Variants in HCFC2 observed in about 807,000 individuals in gnomAD.
HCFC2 encodes host cell factor C2, also known as host cell factor 2.
A neutral mutation model predicts 89.2 loss-of-function variants in HCFC2; 18 were observed. That is an observed-to-expected ratio of 0.20 (90% CI 0.14 to 0.30). The LOEUF is 0.30. Among genes scored for constraint, HCFC2 ranks in the 10% least tolerant of loss-of-function variants. The pLI is 1.00. For missense variants in HCFC2, 578 were observed against 956.1 expected, an observed-to-expected ratio of 0.60 and a Z score of 5.21; for synonymous variants, 308 against 335.7, an observed-to-expected ratio of 0.92 and a Z score of 0.90.
chr12:104,100,464 A>G (rs572663573), intron 13 of HCFC2, among the ~76,000 whole-genome samples: 3 of 152,080 alleles, frequency 2.0e-5, no homozygotes, highest in South Asian at 4.1e-4. Context: ...GCTCCCAACT[A>G]CTTGGGAGGC....
chr12:104,102,973 C>T lies in HCFC2; in HGVS notation c.2079C>T (p.Ile693=). ...AVRISKNVEG[I]HLSWEPPTSP... ...CCCCCTTCAAGAATGTTGAAGGTAT[C>T]CACCTTTCCTGGGAACCTCCAACCT... Residue 693 remains isoleucine, a synonymous_variant, in exon 15 of 15, where the codon ATC becomes ATT. Transcript: ENST00000229330. 3.1e-6 allele frequency: 5 copies of T among 1,596,386 alleles called. No individual in the cohort carries two copies. The highest frequency in any genetic ancestry group is 1.1e-5 in the South Asian group (1 of 90,586).
chr12:104,087,468 T>TATATATATATATGTATATATATATAC (rs1566232417), intron 8 of HCFC2, among the ~76,000 whole-genome samples: 1 of 268 alleles, frequency 3.7e-3, no homozygotes, highest in Non-Finnish European at 0.016. Context: ...TATATATACA[T>TATATATATATATGTATATATATATAC]ATATATATAT....
At chr12:104,099,711 G>A (rs2136629706) in intron 13 of HCFC2, among the ~76,000 whole-genome samples, 1 of 152,180 alleles carries the variant, frequency 6.6e-6, no homozygotes, top group East Asian at 1.9e-4. Flanking sequence ...TGTCACCCAA[G>A]CTGGAGTGCA....
At chr12:104,097,327 C>T (rs1884205921) in intron 12 of HCFC2, among the ~76,000 whole-genome samples, 1 of 151,986 alleles carries the variant, frequency 6.6e-6, no homozygotes, top group Non-Finnish European at 1.5e-5. Context: ...TGTTTTTAGA[C>T]TCTTCTTAGG....
Position 104,086,911 on chromosome 12 carries a change from G to A in HCFC2, c.1128G>A (p.Lys376=), listed in dbSNP as rs1344209620. The A allele has an allele frequency of 1.2e-6, 2 of 1,613,992 alleles. No individual in the cohort carries two copies. Among genetic ancestry groups the A allele is most frequent in the Non-Finnish European group, 1.7e-6 (2 of 1,179,880 alleles). ...IKATTNSFHV[K]WDEVSTVEGY... is the part of the protein sequence containing the mutation. Reference sequence around the variant, plus strand: ...CCACTACCAACTCCTTTCATGTCAAGTGGGATGAAGTGTCTACAGTTGAGG... The same window carrying A: ...CCACTACCAACTCCTTTCATGTCAAATGGGATGAAGTGTCTACAGTTGAGG... Residue 376 remains lysine (K), a synonymous_variant, in exon 8 of 15, where the codon AAG becomes AAA. Coordinates refer to ENST00000229330, the MANE Select transcript of HCFC2 (RefSeq NM_013320.3).
intron 6 of HCFC2, 48 bp downstream of exon 6, chr12:104,082,654 T>A (rs1307349191): frequency 1.3e-6 from 2 of 1,571,966 alleles, no homozygotes; most frequent in Admixed American, 3.5e-5. Flanking sequence ...ATTAATAAGA[T>A]AATTTTTGTA....
chr12:104,070,920 T>C (rs1593590907), intron 3 of HCFC2, among the ~76,000 whole-genome samples: 1 of 149,704 alleles, frequency 6.7e-6, no homozygotes, highest in Non-Finnish European at 1.5e-5. Flanking sequence ...TTCTCCTGCC[T>C]CAGCCTCCCG....
rs1441654738 is a variant in HCFC2, at chr12:104,082,693, G to T, written c.875-20G>T. On this transcript the variant is annotated intron_variant, in intron 6 of 14. Transcript: ENST00000229330. ...TTGTTAAGAACAAAAGATTAGTCAT[G>T]GATATTTCTATCTTTTCAGATACAA... The T allele has an allele frequency of 6.3e-7, 1 of 1,597,378 alleles. No homozygotes were observed. The highest frequency in any genetic ancestry group is 1.4e-5 in the African/African-American group (1 of 73,970).
At chr12:104,091,169 C>T (rs1884012302) in intron 9 of HCFC2, among the ~76,000 whole-genome samples, 1 of 152,154 alleles carries the variant, frequency 6.6e-6, no homozygotes, top group Admixed American at 6.5e-5. Context: ...ATCACTTGAG[C>T]GATACCGTAG....
chr12:104,093,325 T>C, intron 9 of HCFC2, 61 bp from the exon 10 acceptor site: 1 of 1,175,686 alleles, frequency 8.5e-7, no homozygotes, highest in Non-Finnish European at 1.2e-6. Context: ...GCTTGTTTTT[T>C]ACATGTATTT....
rs554574806 is a variant in HCFC2 at position 104,065,068 on chromosome 12, A to G, written c.163+345A>G. 2.3e-3 allele frequency: 482 copies of G among 213,090 alleles called. 2 individuals carry two copies. The highest frequency in any genetic ancestry group is 3.7e-3 in the Non-Finnish European group (396 of 108,490). 13.2% of individuals were successfully genotyped at this position (213,090 alleles called of 1,614,324 possible). On this transcript the variant is annotated intron_variant, in intron 1 of 14. Transcript: ENST00000229330. ...ACTCCCCGAAATCTCGCCTCTGTCA[A>G]AAAACAAAACCCACTCCAAACCAAA...
At chr12:104,073,203 C>T (rs374360446) in intron 3 of HCFC2, among the ~76,000 whole-genome samples, 7 of 141,646 alleles carry the variant, frequency 4.9e-5, no homozygotes, top group Admixed American at 7.7e-5. Context: ...CTAGCTGCAT[C>T]GCCGAGGCTG....
intron 10 of HCFC2, among the ~76,000 whole-genome samples, chr12:104,094,829 A>C (rs1296199439): frequency 6.6e-6 from 1 of 152,142 alleles, no homozygotes; most frequent in Admixed American, 6.5e-5. Flanking sequence ...ACCTACTGAC[A>C]AAGAATCTGA....
chr12:104,102,518 T>C (rs912904015), intron 14 of HCFC2, among the ~76,000 whole-genome samples: 3 of 152,150 alleles, frequency 2.0e-5, no homozygotes, highest in Non-Finnish European at 4.4e-5. Context: ...TCCCTCTATG[T>C]GTCCATGTGA....
Position 104,093,511 on chromosome 12 carries a change from A to T in HCFC2, c.1410A>T (p.Ser470=). 1 of 1,613,388 alleles carries T rather than the reference A, an allele frequency of 6.2e-7. No individual in the cohort carries two copies. The highest frequency in any genetic ancestry group is 1.3e-5 in the African/African-American group (1 of 75,050). Residue 470 remains serine, a synonymous_variant, in exon 10 of 15, where the codon TCA becomes TCT. Coordinates refer to ENST00000229330, the MANE Select transcript of HCFC2 (RefSeq NM_013320.3). The stretch of plus-strand genomic sequence containing the variant: ...CCATTTTATATCCATCTTTGGCATC[A>T]AATGCTTCTAATCATAATAGTCATG... ...SNAILYPSLA[S]NASNHNSHVV...
Position 104,095,097 on chromosome 12 carries a change from A to G in HCFC2, c.1463-263A>G, listed in dbSNP as rs926000895. Among the ~76,000 whole-genome samples, 1 of 149,276 alleles carries G rather than the reference A, an allele frequency of 6.7e-6. No individual in the cohort carries two copies. The highest frequency in any genetic ancestry group is 2.5e-5 in the African/African-American group (1 of 39,666). On this transcript the variant is annotated intron_variant, in intron 10 of 14. Coordinates refer to ENST00000229330, the MANE Select transcript of HCFC2 (RefSeq NM_013320.3). The surrounding 1 kb of genome is among the most constrained non-coding windows in gnomAD (Gnocchi z 4.2). ...AATGAAGGGCAGAGCCATTTGATCT[A>G]TGATTTAGTGGAAAGTCAAGAACAA...
At chr12:104,094,616 C>A (rs1019468003) in intron 10 of HCFC2, among the ~76,000 whole-genome samples, 1 of 152,102 alleles carries the variant, frequency 6.6e-6, no homozygotes, top group Non-Finnish European at 1.5e-5. Flanking sequence ...TGAAAAATAT[C>A]CCCTAGAAAT....
chr12:104,080,730 T>C lies in HCFC2; in HGVS notation c.683-16T>C. ...TTGTTAGATCAAGTTGCTAATATAA[T>C]TATTTTTACTTTTAGAAACTATGTC... On this transcript the variant is annotated splice_polypyrimidine_tract_variant and intron_variant, in intron 4 of 14. Transcript: ENST00000229330. 1 of 1,506,184 alleles carries C rather than the reference T, an allele frequency of 6.6e-7. No homozygotes were observed. Among genetic ancestry groups the C allele is most frequent in the Non-Finnish European group, 9.1e-7 (1 of 1,102,410 alleles). 93.3% of individuals were successfully genotyped at this position (1,506,184 alleles called of 1,614,324 possible). A position where few individuals can be genotyped will look rare whatever the true frequency, so the allele number is the denominator to read the frequency against.
At chr12:104,076,533 A>G (rs965125522) in intron 3 of HCFC2, among the ~76,000 whole-genome samples, 1 of 152,250 alleles carries the variant, frequency 6.6e-6, no homozygotes, top group Non-Finnish European at 1.5e-5. Context: ...TTAGTTTTAG[A>G]TAGTTTTAAT....
Sources: allele counts gnomAD v4.1 joint callset (sites outside exome capture counted in the v4.1 genomes callset), GRCh38; gene constraint gnomAD v4.1.1; non-coding constraint Gnocchi (gnomAD v3.1); transcripts MANE v1.5; gene names NCBI Gene and HGNC (gene_info 2026-07-23, HGNC 2026-07-21).